PROX2: variants seen among roughly 807,000 people sequenced by gnomAD.
The protein encoded by PROX2 is prospero homeobox protein 2.
A neutral mutation model predicts 48.9 loss-of-function variants in PROX2; 46 were observed. That is an observed-to-expected ratio of 0.94 (90% CI 0.74 to 1.20). The LOEUF (loss-of-function observed/expected upper bound fraction) is 1.20. Ranked by LOEUF, PROX2 falls within the 50% of genes most tolerant of loss-of-function variation. The pLI is 0.00. For synonymous variants in PROX2, 260 were observed against 276.6 expected, an observed-to-expected ratio of 0.94 and a Z score of 0.60; for missense variants, 663 against 719.4, an observed-to-expected ratio of 0.92 and a Z score of 0.90.
chr14:74,857,536 C>T (rs944892648), intron 4 of PROX2: 20 of 152,662 alleles, frequency 1.3e-4, no homozygotes, highest in African/African-American at 4.3e-4. Flanking sequence ...TATTAACAGC[C>T]CCTAACCCAA....
In PROX2 at chr14:74,862,519, T is replaced by C; in HGVS notation, c.1305+11A>G. Reference sequence around the variant, plus strand: ...CCAACAATGAGAACTTCAATTGCTATTAAAGGATATGTGGACCAAAGAGAA... The same window carrying C: ...CCAACAATGAGAACTTCAATTGCTACTAAAGGATATGTGGACCAAAGAGAA... On this transcript the variant is annotated intron_variant, in intron 3 of 5. Transcript: ENST00000556489. The C allele has an allele frequency of 6.2e-7, 1 of 1,606,270 alleles. No homozygotes were observed.
At chr14:74,866,724 G>T (rs1301906632) in intron 2 of PROX2, among the ~76,000 whole-genome samples, 1 of 152,192 alleles carries the variant, frequency 6.6e-6, no homozygotes, top group Admixed American at 6.5e-5. Flanking sequence ...AGGAGTAGGT[G>T]ACATTGAATC....
intron 1 of PROX2, among the ~76,000 whole-genome samples, chr14:74,874,636 G>A (rs1209883048): frequency 1.3e-5 from 2 of 151,972 alleles, no homozygotes; most frequent in African/African-American, 4.8e-5. Flanking sequence ...AACAAAAGTA[G>A]TTTAAAACTT....
Position 74,876,056 on chromosome 14 carries a change from G to C in PROX2, c.-471C>G, listed in dbSNP as rs1049018031. Reference sequence around the variant, plus strand: ...CCTGCTTCCTCTCCAGGCAGGCCGGGTGCCCGTGGCTGGGTGAGGGGAGGC... The same window carrying C: ...CCTGCTTCCTCTCCAGGCAGGCCGGCTGCCCGTGGCTGGGTGAGGGGAGGC... On this transcript the variant is annotated 5_prime_UTR_variant, in exon 1 of 6. Coordinates refer to ENST00000556489, the MANE Select transcript of PROX2 (RefSeq NM_001243007.2). Among the ~76,000 whole-genome samples the C allele has an allele frequency of 5.9e-5, 9 of 152,208 alleles. No homozygotes were observed. The highest frequency in any genetic ancestry group is 5.9e-4 in the Admixed American group (9 of 15,282).
chr14:74,862,005 C>CA (rs1375645975), intron 3 of PROX2, among the ~76,000 whole-genome samples: 5 of 152,042 alleles, frequency 3.3e-5, no homozygotes, highest in African/African-American at 1.2e-4. Flanking sequence ...CCCTTTTAGA[C>CA]CCAAAGGAAT....
chr14:74,858,663 T>G (rs1209067230), intron 3 of PROX2, 149 bp from the exon 4 acceptor site: 2 of 591,232 alleles, frequency 3.4e-6, no homozygotes, highest in African/African-American at 3.7e-5. Flanking sequence ...CTCTGGAAAC[T>G]CTGGTCAAAT....
rs547150348 is a variant in PROX2, at chr14:74,861,824, T to C, written c.1305+706A>G. ...CTCCCCAGGAATTATCTACACAATA[T>C]AGGATTTTTGCTTGTAGAGCTATGG... is the stretch of plus-strand genomic sequence containing the variant. On this transcript the variant is annotated intron_variant, in intron 3 of 5. Coordinates refer to ENST00000556489, the MANE Select transcript of PROX2 (RefSeq NM_001243007.2). Among the ~76,000 whole-genome samples the C allele has an allele frequency of 1.3e-4, 20 of 152,310 alleles. No individual in the cohort carries two copies. In the South Asian group the frequency reaches 4.1e-3, roughly 32 times the overall value.
At chr14:74,869,035 CAT>C (rs1321778445) in intron 2 of PROX2, among the ~76,000 whole-genome samples, 1 of 152,102 alleles carries the variant, frequency 6.6e-6, no homozygotes, top group African/African-American at 2.4e-5. Context: ...TAAGTTAACA[CAT>C]GTTATATTTT....
rs1419233256 is a variant in PROX2, at chr14:74,863,760, G to A, written c.75C>T (p.Gly25=). 1.6e-5 allele frequency: 24 copies of A among 1,527,556 alleles called. No homozygotes were observed. The highest frequency in any genetic ancestry group is 2.8e-5 in the African/African-American group (2 of 71,830). 94.6% of individuals were successfully genotyped at this position (1,527,556 alleles called of 1,614,324 possible). A position where few individuals can be genotyped will look rare whatever the true frequency, so the allele number is the denominator to read the frequency against. Residue 25 remains glycine, a synonymous_variant, in exon 3 of 6, where the codon GGC becomes GGT. Transcript: ENST00000556489. The stretch of plus-strand genomic sequence containing the variant: ...GCTCTGGAGGGGATGAGCTTCTCTC[G>A]CCTTCCGTACAAGCTTCTGCTAGGT... ...CSHLAEACTE[G]ERSSSPPELD...
chr14:74,874,983 A>G (rs1472922356), intron 1 of PROX2, among the ~76,000 whole-genome samples: 3 of 151,820 alleles, frequency 2.0e-5, no homozygotes, highest in Non-Finnish European at 4.4e-5. Flanking sequence ...TGTCTCTACT[A>G]AAAATACAAA....
At chr14:74,872,988 AT>A (rs919959009) in intron 1 of PROX2, among the ~76,000 whole-genome samples, 24 of 149,342 alleles carry the variant, frequency 1.6e-4, no homozygotes, top group South Asian at 6.4e-4. Context: ...ATCGTTAGCT[AT>A]TTTTTTTTTC....
rs541837511 is a variant in PROX2 at position 74,866,804 on chromosome 14, AAG to A, written c.-174-2798_-174-2797del. On this transcript the variant is annotated intron_variant, in intron 2 of 5. Transcript: ENST00000556489. ...CAGTGCTGAAAGAGAAAATGGGGTC[AAG>A]AGAGAGTTTTTCAAGATAGGCAGAA... 4.6e-5 allele frequency among the ~76,000 whole-genome samples: 7 copies of A among 152,326 alleles called. No homozygotes were observed. In the South Asian group the frequency reaches 1.4e-3, roughly 32 times the overall value.
At chr14:74,861,124 G>A in intron 3 of PROX2, 1 of 951,098 alleles carries the variant, frequency 1.1e-6, no homozygotes, top group Non-Finnish European at 1.5e-6. Context: ...GGACACAAAG[G>A]CAGGTTCTGG....
At chr14:74,869,923 G>T (rs1883169274) in intron 2 of PROX2, among the ~76,000 whole-genome samples, 1 of 152,102 alleles carries the variant, frequency 6.6e-6, no homozygotes, top group African/African-American at 2.4e-5. Context: ...GTTAAGCCAA[G>T]AAAATGATGG....
chr14:74,863,937 A>G lies in PROX2; in HGVS notation c.-103T>C, dbSNP rs2140169803. The stretch of plus-strand genomic sequence containing the variant: ...CTTCCTCCTCTGCACTTAGAAGGGT[A>G]AAGAGCCACTGTCACTGAGGAAGGA... On this transcript the variant is annotated 5_prime_UTR_variant, in exon 3 of 6. Coordinates refer to ENST00000556489, the MANE Select transcript of PROX2 (RefSeq NM_001243007.2). 1 of 1,306,774 alleles carries G rather than the reference A, an allele frequency of 7.7e-7. No individual in the cohort carries two copies. Among genetic ancestry groups the G allele is most frequent in the Non-Finnish European group, 9.8e-7 (1 of 1,025,450 alleles). The allele number at this position is 1,306,774 out of a possible 1,614,324, so 80.9% of individuals were successfully genotyped here. A position where few individuals can be genotyped will look rare whatever the true frequency, so the allele number is the denominator to read the frequency against.
At chr14:74,873,829 A>T in intron 1 of PROX2, 1 of 454,658 alleles carries the variant, frequency 2.2e-6, no homozygotes. Context: ...ACTTATGATG[A>T]CATTGAAAGT....
At chr14:74,859,777 C>T (rs1450139020) in intron 3 of PROX2, among the ~76,000 whole-genome samples, 1 of 152,154 alleles carries the variant, frequency 6.6e-6, no homozygotes, top group African/African-American at 2.4e-5. Flanking sequence ...TTATAGGTGG[C>T]CCAGGCACCT....
At chr14:74,864,849 A>G (rs1486378650) in intron 2 of PROX2, among the ~76,000 whole-genome samples, 2 of 150,276 alleles carry the variant, frequency 1.3e-5, no homozygotes, top group Non-Finnish European at 3.0e-5. Context: ...CTCAAAAAAA[A>G]AAAGCAAATT....
At chr14:74,874,850 C>T (rs946676002) in intron 1 of PROX2, among the ~76,000 whole-genome samples, 2 of 151,930 alleles carry the variant, frequency 1.3e-5, no homozygotes, top group Non-Finnish European at 2.9e-5. Context: ...ATTTTTATTT[C>T]TTAAAGAATC....
Sources: allele counts gnomAD v4.1 joint callset (sites outside exome capture counted in the v4.1 genomes callset), GRCh38; gene constraint gnomAD v4.1.1; transcripts MANE v1.5; gene names NCBI Gene and HGNC (gene_info 2026-07-23, HGNC 2026-07-21).